BAZ2B: variants seen among roughly 807,000 people sequenced by gnomAD.
BAZ2B encodes the protein bromodomain adjacent to zinc finger domain protein 2B.
Under a neutral mutation model 246.0 loss-of-function variants are expected in BAZ2B, and 91 were observed. The observed-to-expected ratio is 0.37, with a 90% CI of 0.31 to 0.44. The LOEUF is 0.44. Among genes scored for constraint, BAZ2B ranks in the 20% least tolerant of loss-of-function variants. BAZ2B has a pLI of 1.00. For synonymous variants in BAZ2B, 855 were observed against 860.0 expected, an observed-to-expected ratio of 0.99 and a Z score of 0.10; for missense variants, 2,332 against 2,533.7, an observed-to-expected ratio of 0.92 and a Z score of 1.71.
chr2:159,671,216 C>T, the BAZ2B span, among the ~76,000 whole-genome samples: 2 of 152,134 alleles, frequency 1.3e-5, no homozygotes, highest in Non-Finnish European at 2.9e-5. Flanking sequence ...ACTATCTTCA[C>T]TCATAAGCTG....
intron 2 of BAZ2B, among the ~76,000 whole-genome samples, chr2:159,535,642 C>T (rs565041892): frequency 5.9e-5 from 9 of 152,248 alleles, no homozygotes; most frequent in African/African-American, 2.2e-4. Flanking sequence ...CAGTATAGTA[C>T]TTAAAATAAG....
intron 18 of BAZ2B, among the ~76,000 whole-genome samples, chr2:159,397,850 C>T (rs2064274649): frequency 1.6e-5 from 1 of 63,286 alleles, no homozygotes; most frequent in Non-Finnish European, 6.5e-5. Context: ...CTATAATTAA[C>T]ATCATTTTTT....
At chr2:159,559,668 C>A (rs997997968) in intron 1 of BAZ2B, among the ~76,000 whole-genome samples, 6 of 152,012 alleles carry the variant, frequency 3.9e-5, no homozygotes, top group African/African-American at 7.3e-5. Context: ...TAGGTACTTG[C>A]AATTGCATGA....
intron 2 of BAZ2B, among the ~76,000 whole-genome samples, chr2:159,487,397 T>C (rs2079959734): frequency 6.6e-6 from 1 of 152,168 alleles, no homozygotes; most frequent in Non-Finnish European, 1.5e-5. Context: ...TGGTAAACCA[T>C]TGGTTTAATG....
chr2:159,691,044 C>T, the BAZ2B span, among the ~76,000 whole-genome samples: 5 of 152,028 alleles, frequency 3.3e-5, no homozygotes, highest in Non-Finnish European at 5.9e-5. Flanking sequence ...TATACCTATA[C>T]ATCAAAGGTG....
At chr2:159,464,349 T>C (rs1299649356) in intron 3 of BAZ2B, 1 of 152,178 alleles carries the variant, frequency 6.6e-6, no homozygotes, top group Admixed American at 6.5e-5. Context: ...TGAAGTGTAC[T>C]GGTCAGAGGT....
intron 25 of BAZ2B, among the ~76,000 whole-genome samples, chr2:159,376,423 TCC>T (rs977871884): frequency 2.0e-5 from 3 of 152,032 alleles, no homozygotes; most frequent in Non-Finnish European, 2.9e-5. Flanking sequence ...AAAAAAAGAC[TCC>T]CATAGTTGTA....
In BAZ2B at chr2:159,449,794, T is replaced by A. The variant is rs143191816; in HGVS notation, c.335-1385A>T. 8.6e-3 allele frequency among the ~76,000 whole-genome samples: 1,305 copies of A among 152,308 alleles called. 16 individuals carry two copies. The highest frequency in any genetic ancestry group is 0.011 in the Non-Finnish European group (749 of 68,016). ...TACATTTAGATAGGAAGAAAAAGTA[T>A]GTGTTTTGGGCTTGTATCAGCACAG... On this transcript the variant is annotated intron_variant, in intron 4 of 36. Transcript: ENST00000392783.
the BAZ2B span, among the ~76,000 whole-genome samples, chr2:159,633,215 A>G: frequency 6.6e-6 from 1 of 151,596 alleles, no homozygotes; most frequent in Non-Finnish European, 1.5e-5. Context: ...AAGAGTTACC[A>G]GCACACCTCT....
At chr2:159,706,554 A>G in the BAZ2B span, among the ~76,000 whole-genome samples, 1 of 152,222 alleles carries the variant, frequency 6.6e-6, no homozygotes, top group South Asian at 2.1e-4. Context: ...TTGTGCACGC[A>G]CGCGTGCGCA....
intron 16 of BAZ2B, 40 bp downstream of exon 16, chr2:159,404,809 G>C: frequency 2.6e-6 from 4 of 1,523,180 alleles, no homozygotes; most frequent in Non-Finnish European, 2.7e-6. Context: ...CTCAAAATAA[G>C]TCCCATATTT....
At chr2:159,580,193 C>T (rs928161956) in intron 1 of BAZ2B, among the ~76,000 whole-genome samples, 2 of 152,196 alleles carry the variant, frequency 1.3e-5, no homozygotes, top group Non-Finnish European at 2.9e-5. Flanking sequence ...CCAAAATCTC[C>T]TTAAGCTGAT....
intron 2 of BAZ2B, among the ~76,000 whole-genome samples, chr2:159,546,257 C>A (rs2087330292): frequency 6.6e-6 from 1 of 151,742 alleles, no homozygotes; most frequent in Non-Finnish European, 1.5e-5. Flanking sequence ...GTCCTTCGTG[C>A]GATGTTCTTG....
At chr2:159,699,783 C>T in the BAZ2B span, among the ~76,000 whole-genome samples, 1 of 152,148 alleles carries the variant, frequency 6.6e-6, no homozygotes, top group Non-Finnish European at 1.5e-5. Flanking sequence ...CTCTTAATTA[C>T]AAGGAATTTT....
chr2:159,412,589 T>C, intron 13 of BAZ2B, 44 bp from the exon 14 acceptor site: 1 of 1,526,928 alleles, frequency 6.5e-7, no homozygotes, highest in Non-Finnish European at 8.9e-7. Context: ...ACAAACAAAA[T>C]AAACACAAGA....
chr2:159,382,236 A>G (rs2062074493), intron 25 of BAZ2B, among the ~76,000 whole-genome samples: 1 of 152,224 alleles, frequency 6.6e-6, no homozygotes, highest in Non-Finnish European at 1.5e-5. Context: ...AATGTAACAC[A>G]GTATGTTAAC....
intron 6 of BAZ2B, 139 bp from the exon 7 acceptor site, chr2:159,439,351 G>A: frequency 1.3e-6 from 1 of 756,120 alleles, no homozygotes; most frequent in Non-Finnish European, 2.1e-6. Flanking sequence ...CATATCGTAA[G>A]GATAATTATT....
intron 1 of BAZ2B, among the ~76,000 whole-genome samples, chr2:159,593,650 T>G (rs1190743062): frequency 3.3e-5 from 5 of 152,194 alleles, no homozygotes; most frequent in African/African-American, 9.7e-5. Flanking sequence ...GCCTTCCCCC[T>G]CAAACCTGCC....
chr2:159,629,965 A>G, the BAZ2B span, among the ~76,000 whole-genome samples: 2 of 152,210 alleles, frequency 1.3e-5, no homozygotes, highest in Non-Finnish European at 2.9e-5. Flanking sequence ...GTCACCATTC[A>G]TCTAAATATT....
Sources: gnomAD v4.1 joint callset for allele counts (sites outside exome capture counted in the v4.1 genomes callset) on GRCh38, gnomAD v4.1.1 for gene constraint, MANE v1.5 for transcripts, NCBI Gene and HGNC (gene_info 2026-07-23, HGNC 2026-07-21) for gene names.